Variants in GRM5 observed in about 807,000 individuals in gnomAD.
GRM5 encodes metabotropic glutamate receptor 5.
Under a neutral mutation model 83.1 loss-of-function variants are expected in GRM5, and 19 were observed. The ratio of observed to expected loss-of-function variants is 0.23; its 90% confidence interval spans 0.16 to 0.34. GRM5 has a LOEUF of 0.34. GRM5 is among the 10% of genes least tolerant of loss of function. The pLI, the probability that GRM5 is intolerant of heterozygous loss-of-function variation, is 1.00. For synonymous variants in GRM5, 675 were observed against 633.6 expected, an observed-to-expected ratio of 1.07 and a Z score of -0.98; for missense variants, 1,160 against 1,588.3, an observed-to-expected ratio of 0.73 and a Z score of 4.58.
chr11:88,712,722 G>C, intron 3 of GRM5, among the ~76,000 whole-genome samples: 1 of 152,020 alleles, frequency 6.6e-6, no homozygotes, highest in East Asian at 1.9e-4. Flanking sequence ...TAGTCAGACA[G>C]TTGTTTCCTA....
At chr11:89,003,532 A>G (rs888352245) in intron 2 of GRM5, among the ~76,000 whole-genome samples, 13 of 152,320 alleles carry the variant, frequency 8.5e-5, no homozygotes, top group African/African-American at 3.1e-4. Context: ...AGGACTAGCT[A>G]GATGGCCTGG....
intron 3 of GRM5, among the ~76,000 whole-genome samples, chr11:88,791,514 A>T (rs1207664244): frequency 6.6e-6 from 1 of 152,168 alleles, no homozygotes; most frequent in East Asian, 1.9e-4. Context: ...AAACTAATAG[A>T]TGCAAGTCTC....
chr11:88,816,066 A>G, intron 3 of GRM5, among the ~76,000 whole-genome samples: 1 of 141,584 alleles, frequency 7.1e-6, no homozygotes, highest in African/African-American at 2.9e-5. Context: ...ACAAAAAATT[A>G]GCCGGGCGCG....
intron 2 of GRM5, among the ~76,000 whole-genome samples, chr11:89,036,030 A>G (rs554140029): frequency 3.3e-5 from 5 of 152,186 alleles, no homozygotes; most frequent in African/African-American, 1.2e-4. Context: ...TTCACTATAA[A>G]ATTTGCTTAT....
At chr11:88,718,104 C>A (rs1941440437) in intron 3 of GRM5, among the ~76,000 whole-genome samples, 1 of 151,812 alleles carries the variant, frequency 6.6e-6, no homozygotes, top group Non-Finnish European at 1.5e-5. Context: ...CCCCTGGCTA[C>A]CTTTCCAGAA....
chr11:88,892,161 T>C (rs201583190), intron 2 of GRM5, among the ~76,000 whole-genome samples: 68,055 of 149,392 alleles, frequency 0.46, 16,722 homozygotes, highest in South Asian at 0.6. Context: ...GAAGTCTTTT[T>C]TTTTTTTTTT....
intron 2 of GRM5, among the ~76,000 whole-genome samples, chr11:88,976,547 A>C (rs2508281): frequency 5.7e-4 from 11 of 19,318 alleles, no homozygotes; most frequent in African/African-American, 1.8e-3. Flanking sequence ...AGGGCTTGGC[A>C]AAAAAAAAAA....
At chr11:88,749,782 A>C (rs2135425678) in intron 3 of GRM5, among the ~76,000 whole-genome samples, 1 of 152,286 alleles carries the variant, frequency 6.6e-6, no homozygotes, top group Non-Finnish European at 1.5e-5. Flanking sequence ...GATTGGGGCC[A>C]ATATTCAACA....
At chr11:88,950,068 G>T (rs1590989837) in intron 2 of GRM5, among the ~76,000 whole-genome samples, 1 of 150,758 alleles carries the variant, frequency 6.6e-6, no homozygotes, top group African/African-American at 2.4e-5. Flanking sequence ...TAGAGGTGGG[G>T]TTTCACCGTG....
intron 2 of GRM5, among the ~76,000 whole-genome samples, chr11:88,973,963 G>A (rs570740223): frequency 3.3e-5 from 5 of 151,950 alleles, no homozygotes; most frequent in Non-Finnish European, 1.5e-5. Context: ...ACATGAAATG[G>A]GAGGAAGATC....
chr11:88,586,471 T>G (rs139322465), intron 7 of GRM5, among the ~76,000 whole-genome samples: 2 of 152,196 alleles, frequency 1.3e-5, no homozygotes, highest in African/African-American at 2.4e-5. Flanking sequence ...ATTATCACAA[T>G]GAAGGCACTG....
intron 4 of GRM5, among the ~76,000 whole-genome samples, chr11:88,614,079 C>G (rs1938403666): frequency 6.6e-6 from 1 of 152,264 alleles, no homozygotes; most frequent in Non-Finnish European, 1.5e-5. Context: ...CTCTGCCTCC[C>G]AACCACTATC....
chr11:88,924,035 C>A (rs1945741047), intron 2 of GRM5, among the ~76,000 whole-genome samples: 1 of 150,600 alleles, frequency 6.6e-6, no homozygotes, highest in Non-Finnish European at 1.5e-5. Flanking sequence ...AAATTGTCAA[C>A]AGACACATGA....
At chr11:88,968,464 C>G (rs367881528) in intron 2 of GRM5, among the ~76,000 whole-genome samples, 1 of 152,036 alleles carries the variant, frequency 6.6e-6, no homozygotes, top group East Asian at 1.9e-4. Flanking sequence ...AGGAGGATTA[C>G]TTGAAGCTGG....
At chr11:88,987,606 C>A (rs1273787838) in intron 2 of GRM5, among the ~76,000 whole-genome samples, 1 of 152,164 alleles carries the variant, frequency 6.6e-6, no homozygotes, top group African/African-American at 2.4e-5. Context: ...ACTTAAATGT[C>A]CTTGTCTGAC....
chr11:88,741,343 A>T (rs12275303), intron 3 of GRM5, among the ~76,000 whole-genome samples: 1 of 152,042 alleles, frequency 6.6e-6, no homozygotes. Context: ...CTGCTTCGGT[A>T]GGTGTAGCAA....
intron 2 of GRM5, among the ~76,000 whole-genome samples, chr11:88,864,245 A>G (rs1216809112): frequency 6.6e-6 from 1 of 151,246 alleles, no homozygotes; most frequent in Non-Finnish European, 1.5e-5. Flanking sequence ...AACTTGATAC[A>G]TAAAGAGGTG....
intron 7 of GRM5, among the ~76,000 whole-genome samples, chr11:88,578,218 A>AT (rs1168008571): frequency 6.6e-6 from 1 of 152,054 alleles, no homozygotes; most frequent in Non-Finnish European, 1.5e-5. Flanking sequence ...AATTAATGTG[A>AT]TTTTTTAAGA....
chr11:88,823,931 A>G (rs1308276556), intron 3 of GRM5, among the ~76,000 whole-genome samples: 1 of 151,944 alleles, frequency 6.6e-6, no homozygotes, highest in Admixed American at 6.6e-5. Context: ...ACTTTTTATT[A>G]TTCTTGCTTC....
Sources: allele counts gnomAD v4.1 joint callset (sites outside exome capture counted in the v4.1 genomes callset), GRCh38; gene constraint gnomAD v4.1.1; transcripts MANE v1.5; gene names NCBI Gene and HGNC (gene_info 2026-07-23, HGNC 2026-07-21).